Variants in SHC4 observed in about 807,000 individuals in gnomAD.
The protein encoded by SHC4 is SHC adaptor protein 4, also known as SHC-transforming protein 4.
Under a neutral mutation model 69.4 loss-of-function variants are expected in SHC4, and 41 were observed. That is an observed-to-expected ratio of 0.59 (90% CI 0.46 to 0.77). The LOEUF (loss-of-function observed/expected upper bound fraction) is 0.77. Ranked by LOEUF, SHC4 falls within the 30% of genes least tolerant of loss-of-function variation. SHC4 has a pLI of 0.00. For missense variants in SHC4, 777 were observed against 783.8 expected, an observed-to-expected ratio of 0.99 and a Z score of 0.10; for synonymous variants, 318 against 299.3, an observed-to-expected ratio of 1.06 and a Z score of -0.64.
At chr15:48,941,276 A>G (rs1181123741) in intron 1 of SHC4, among the ~76,000 whole-genome samples, 1 of 152,204 alleles carries the variant, frequency 6.6e-6, no homozygotes, top group Non-Finnish European at 1.5e-5. Flanking sequence ...GGAGAGGGTC[A>G]ATAGGCTAAG....
intron 8 of SHC4, among the ~76,000 whole-genome samples, chr15:48,853,922 G>T (rs1025886400): frequency 1.3e-5 from 2 of 152,090 alleles, no homozygotes; most frequent in African/African-American, 4.8e-5. Context: ...CCTTCGGAAA[G>T]AATTTGTGAC....
chr15:48,903,564 C>G (rs1171814096), intron 2 of SHC4, among the ~76,000 whole-genome samples: 1 of 152,134 alleles, frequency 6.6e-6, no homozygotes, highest in Admixed American at 6.6e-5. Context: ...AAATAAGGAG[C>G]CTCCATGTAA....
chr15:48,852,457 T>C (rs1899232960), intron 8 of SHC4, among the ~76,000 whole-genome samples: 2 of 152,256 alleles, frequency 1.3e-5, no homozygotes, highest in Admixed American at 6.5e-5. Flanking sequence ...GTGTTCATTG[T>C]ATAATTCTTT....
chr15:48,864,066 T>C (rs4775779), intron 6 of SHC4, among the ~76,000 whole-genome samples: 128,286 of 152,118 alleles, frequency 0.84, 54,337 homozygotes, highest in East Asian at 1. Context: ...ATTTTTTTTA[T>C]TAGATTGTTT....
chr15:48,962,575 C>T lies in SHC4; in HGVS notation c.441G>A (p.Gln147=), dbSNP rs1001267101. Residue 147 remains glutamine (Q), a synonymous_variant, in exon 1 of 12, where the codon CAG becomes CAA. Transcript: ENST00000332408. ...TTGCCCTGTGTCCCACCAGGTCCTG[C>T]TGCGGTGGAGGTGCAGTCCCGGACC... ...LSRSGTAPPP[Q]QDLVGHRATA... is the part of the protein sequence containing the mutation. 1.2e-6 allele frequency: 2 copies of T among 1,612,044 alleles called. No individual in the cohort carries two copies. The highest frequency in any genetic ancestry group is 1.7e-6 in the Non-Finnish European group (2 of 1,178,886).
At chr15:48,894,384 A>C (rs908022126) in intron 2 of SHC4, among the ~76,000 whole-genome samples, 1 of 152,160 alleles carries the variant, frequency 6.6e-6, no homozygotes, top group African/African-American at 2.4e-5. Flanking sequence ...TAATCCTTTA[A>C]AATATTGAAA....
chr15:48,894,642 G>A (rs2141008092), intron 2 of SHC4, among the ~76,000 whole-genome samples: 1 of 152,178 alleles, frequency 6.6e-6, no homozygotes, highest in East Asian at 1.9e-4. Context: ...TTTAAGTAGA[G>A]TTACCTGTTT....
chr15:48,903,089 C>T (rs747810570), intron 2 of SHC4, among the ~76,000 whole-genome samples: 10 of 152,110 alleles, frequency 6.6e-5, no homozygotes, highest in Admixed American at 2.0e-4. Context: ...TTTAATTGTT[C>T]AAACATACAC....
chr15:48,899,449 G>A (rs1242165287), intron 2 of SHC4, among the ~76,000 whole-genome samples: 1 of 152,110 alleles, frequency 6.6e-6, no homozygotes, highest in Non-Finnish European at 1.5e-5. Flanking sequence ...CTGGGTGACA[G>A]AGCAACCCTC....
intron 1 of SHC4, among the ~76,000 whole-genome samples, chr15:48,956,303 G>A (rs1437947922): frequency 1.3e-5 from 2 of 152,160 alleles, no homozygotes; most frequent in African/African-American, 4.8e-5. Context: ...GAGCGACCCA[G>A]GTCTGGCTTC....
chr15:48,909,996 G>C (rs548916091), intron 2 of SHC4, among the ~76,000 whole-genome samples: 4 of 152,206 alleles, frequency 2.6e-5, no homozygotes, highest in African/African-American at 9.6e-5. Context: ...TGTTCATCAA[G>C]GATATTGGTC....
chr15:48,878,416 C>G (rs762791119), intron 4 of SHC4: 2 of 1,611,852 alleles, frequency 1.2e-6, no homozygotes, highest in African/African-American at 1.3e-5. Flanking sequence ...ACGGGCCCAA[C>G]GCTGGGGAGC....
At chr15:48,879,582 T>G (rs944186419) in intron 4 of SHC4, 5 of 167,090 alleles carry the variant, frequency 3.0e-5, no homozygotes, top group African/African-American at 9.6e-5. Context: ...ATGAAGGACT[T>G]TAGTTGAACT....
At chr15:48,927,820 C>T (rs142601410) in intron 1 of SHC4, among the ~76,000 whole-genome samples, 19 of 152,286 alleles carry the variant, frequency 1.2e-4, no homozygotes, top group African/African-American at 4.3e-4. Flanking sequence ...CTCAGAGGCC[C>T]CCTCCTGCCA....
At chr15:48,868,755 C>T (rs1456309323) in intron 5 of SHC4, among the ~76,000 whole-genome samples, 1 of 152,156 alleles carries the variant, frequency 6.6e-6, no homozygotes, top group Non-Finnish European at 1.5e-5. Flanking sequence ...ATGAATCACA[C>T]AGGAAGTGGA....
chr15:48,862,237 G>A (rs1418153766), intron 6 of SHC4, among the ~76,000 whole-genome samples: 1 of 151,562 alleles, frequency 6.6e-6, no homozygotes, highest in African/African-American at 2.4e-5. Flanking sequence ...CAGAAGCATG[G>A]CCTTCCTATA....
intron 3 of SHC4, 61 bp downstream of exon 3, chr15:48,890,687 T>A: frequency 6.3e-7 from 1 of 1,598,240 alleles, no homozygotes; most frequent in Non-Finnish European, 8.6e-7. Context: ...GAACAGCGAT[T>A]TTCATACTAT....
intron 2 of SHC4, among the ~76,000 whole-genome samples, chr15:48,913,737 A>T (rs952752044): frequency 6.6e-6 from 1 of 152,072 alleles, no homozygotes; most frequent in African/African-American, 2.4e-5. Context: ...TCCAGGCAGG[A>T]ATGACCTGCT....
chr15:48,962,251 T>C (rs529295916), intron 1 of SHC4, among the ~76,000 whole-genome samples, 180 bp downstream of exon 1: 1 of 152,312 alleles, frequency 6.6e-6, no homozygotes, highest in East Asian at 1.9e-4. Context: ...CTGACTCCAG[T>C]ACAAGTCAGA....
Sources: allele counts gnomAD v4.1 joint callset (sites outside exome capture counted in the v4.1 genomes callset), GRCh38; gene constraint gnomAD v4.1.1; transcripts MANE v1.5; gene names NCBI Gene and HGNC (gene_info 2026-07-23, HGNC 2026-07-21).